Variants in ELAVL2 observed in about 807,000 individuals in gnomAD.
ELAVL2 encodes the protein ELAV like RNA binding protein 2.
Under a neutral mutation model 34.6 loss-of-function variants are expected in ELAVL2, and 4 were observed. That is an observed-to-expected ratio of 0.12 (90% CI 0.06 to 0.26). The LOEUF is 0.26. Among genes scored for constraint, ELAVL2 ranks in the 10% least tolerant of loss-of-function variants. ELAVL2 has a pLI of 1.00. For synonymous variants in ELAVL2, 193 were observed against 154.8 expected (o/e 1.25, Z -1.83); for missense variants, 432 against 442.8 (o/e 0.98, Z 0.22).
chr9:23,777,425 G>C (rs970643729), intron 1 of ELAVL2, among the ~76,000 whole-genome samples: 5 of 152,006 alleles, frequency 3.3e-5, no homozygotes, highest in African/African-American at 1.2e-4. Flanking sequence ...CTCTAGTTGA[G>C]AATCACTATA....
intron 3 of ELAVL2, among the ~76,000 whole-genome samples, chr9:23,718,330 G>T (rs1283580374): frequency 6.6e-6 from 1 of 152,034 alleles, no homozygotes; most frequent in African/African-American, 2.4e-5. Context: ...CGCTATCCAA[G>T]ATTTAGTGTT....
chr9:23,720,930 T>C (rs749280317), intron 3 of ELAVL2, among the ~76,000 whole-genome samples: 65 of 152,278 alleles, frequency 4.3e-4, no homozygotes, highest in African/African-American at 1.5e-3. Flanking sequence ...GAAATCTGCA[T>C]TTTTAATCAA....
intron 2 of ELAVL2, among the ~76,000 whole-genome samples, chr9:23,750,188 C>G (rs2051568230): frequency 6.6e-6 from 1 of 151,874 alleles, no homozygotes; most frequent in Non-Finnish European, 1.5e-5. Context: ...AGAAACTAAC[C>G]CCAGAAGATT....
chr9:23,729,481 A>C (rs1029051670), intron 3 of ELAVL2, among the ~76,000 whole-genome samples: 1 of 152,178 alleles, frequency 6.6e-6, no homozygotes, highest in African/African-American at 2.4e-5. Flanking sequence ...TCTGACACAG[A>C]AAGTATGCAG....
chr9:23,773,909 C>T (rs1440333965), intron 1 of ELAVL2, among the ~76,000 whole-genome samples: 3 of 151,996 alleles, frequency 2.0e-5, no homozygotes, highest in African/African-American at 7.3e-5. Context: ...AAAATGTTAG[C>T]ATAGAAAATT....
intron 3 of ELAVL2, among the ~76,000 whole-genome samples, chr9:23,724,417 A>G (rs905553759): frequency 6.6e-6 from 1 of 151,918 alleles, no homozygotes; most frequent in African/African-American, 2.4e-5. Flanking sequence ...AAGGAACAGA[A>G]GTAACACAAG....
chr9:23,792,647 A>C (rs1419537590), intron 1 of ELAVL2, among the ~76,000 whole-genome samples: 1 of 152,172 alleles, frequency 6.6e-6, no homozygotes, highest in African/African-American at 2.4e-5. Context: ...GGCCTTTTTA[A>C]CTTTCTAATC....
At position 23,816,317 on chromosome 9, in the gene ELAVL2, T is replaced by TAAAA. The variant is rs10717104; in HGVS notation, c.-16+9485_-16+9488dup. Among the ~76,000 whole-genome samples the TAAAA allele has an allele frequency of 4.7e-3, 208 of 44,692 alleles. 3 individuals are homozygous for TAAAA. The highest frequency in any genetic ancestry group is 6.0e-3 in the East Asian group (7 of 1,168). 29.3% of individuals were successfully genotyped at this position (44,692 alleles called of 152,430 possible). A position where few individuals can be genotyped will look rare whatever the true frequency, so the allele number is the denominator to read the frequency against. On this transcript the variant is annotated intron_variant, in intron 1 of 6. Transcript: ENST00000397312. ...GAAAGTGTGTACTAAAAGCTTTCAG[T>TAAAA]AAAAAAAAAAAAAAAAAAAAAAAAA...
chr9:23,848,633 C>A, the ELAVL2 span, among the ~76,000 whole-genome samples: 1 of 152,134 alleles, frequency 6.6e-6, no homozygotes, highest in African/African-American at 2.4e-5. Context: ...CGCTAAAATA[C>A]ATTAAGCTTT....
At chr9:23,724,291 G>T (rs921990078) in intron 3 of ELAVL2, among the ~76,000 whole-genome samples, 4 of 152,096 alleles carry the variant, frequency 2.6e-5, no homozygotes, top group African/African-American at 9.7e-5. Flanking sequence ...TTCCCTCTTT[G>T]TAGGCTCTGC....
chr9:23,732,316 T>A, intron 2 of ELAVL2, among the ~76,000 whole-genome samples: 1 of 152,208 alleles, frequency 6.6e-6, no homozygotes. Context: ...AAGAGAAGGC[T>A]AAATACAGTG....
intron 1 of ELAVL2, chr9:23,821,271 C>G (rs1187548702): frequency 6.6e-6 from 1 of 152,418 alleles, no homozygotes; most frequent in Non-Finnish European, 1.5e-5. Flanking sequence ...CGGCCGCACC[C>G]GGGCACGTCC....
At position 23,735,105 on chromosome 9, in the gene ELAVL2, C is replaced by CAAAAAAAAAAAAAAAAAAAAAAAAAAA; in HGVS notation, c.230-3981_230-3980insTTTTTTTTTTTTTTTTTTTTTTTTTTT. The CAAAAAAAAAAAAAAAAAAAAAAAAAAA allele has an allele frequency of 7.9e-4, 22 of 27,960 alleles. 3 individuals are homozygous for CAAAAAAAAAAAAAAAAAAAAAAAAAAA. Among genetic ancestry groups the CAAAAAAAAAAAAAAAAAAAAAAAAAAA allele is most frequent in the East Asian group, 1.3e-3 (1 of 742 alleles). 1.7% of individuals were successfully genotyped at this position (27,960 alleles called of 1,614,324 possible). A position where few individuals can be genotyped will look rare whatever the true frequency, so the allele number is the denominator to read the frequency against. On this transcript the variant is annotated intron_variant, in intron 2 of 6. Coordinates refer to ENST00000397312, the MANE Select transcript of ELAVL2 (RefSeq NM_004432.5). The stretch of plus-strand genomic sequence containing the variant: ...CCAAAATGACAAAGCTAAGGCTCTT[C>CAAAAAAAAAAAAAAAAAAAAAAAAAAA]AAAAAAAAAAAAAAAAAAAAAAGCC...
chr9:23,701,257 T>C (rs1370292670), intron 5 of ELAVL2, 122 bp downstream of exon 5: 9 of 1,026,418 alleles, frequency 8.8e-6, no homozygotes, highest in Non-Finnish European at 1.2e-5. Flanking sequence ...AAATTAATAG[T>C]AATAAAACCA....
At chr9:23,780,778 G>C in intron 1 of ELAVL2, among the ~76,000 whole-genome samples, 1 of 152,154 alleles carries the variant, frequency 6.6e-6, no homozygotes, top group Non-Finnish European at 1.5e-5. Context: ...AGCTCTTCAG[G>C]AGAGTTAAGA....
intron 1 of ELAVL2, among the ~76,000 whole-genome samples, chr9:23,778,813 T>C (rs1304335820): frequency 6.6e-6 from 1 of 152,182 alleles, no homozygotes; most frequent in Non-Finnish European, 1.5e-5. Context: ...ATCAAGTCTG[T>C]GTCACTAAAC....
At chr9:23,786,487 G>A (rs1490615556) in intron 1 of ELAVL2, among the ~76,000 whole-genome samples, 1 of 151,788 alleles carries the variant, frequency 6.6e-6, no homozygotes, top group Non-Finnish European at 1.5e-5. Context: ...TGAAACTTGA[G>A]GGCGAGAGTC....
intron 1 of ELAVL2, among the ~76,000 whole-genome samples, chr9:23,825,178 A>G (rs1452873419): frequency 6.6e-6 from 1 of 152,202 alleles, no homozygotes; most frequent in Non-Finnish European, 1.5e-5. Flanking sequence ...CAGAGCCCGC[A>G]TACAATGATG....
intron 5 of ELAVL2, among the ~76,000 whole-genome samples, chr9:23,700,932 G>A (rs1233335206): frequency 6.6e-6 from 1 of 151,684 alleles, no homozygotes. Context: ...GATAACCCCA[G>A]AAAGCTACAG....
Sources: gnomAD v4.1 joint callset for allele counts (sites outside exome capture counted in the v4.1 genomes callset) on GRCh38, gnomAD v4.1.1 for gene constraint, MANE v1.5 for transcripts, NCBI Gene and HGNC (gene_info 2026-07-23, HGNC 2026-07-21) for gene names.